FLI1: variants seen among roughly 807,000 people sequenced by gnomAD.
FLI1 encodes Fli-1 proto-oncogene, ETS transcription factor, also known as Friend leukemia integration 1 transcription factor.
In FLI1, 13 loss-of-function variants were observed where a neutral mutation model predicts 53.1. The observed-to-expected ratio is 0.24, with a 90% CI of 0.16 to 0.39. The LOEUF (loss-of-function observed/expected upper bound fraction) is 0.39, where lower values mean the gene tolerates loss of function less well. FLI1 is among the 10% of genes least tolerant of loss of function. FLI1 has a pLI of 1.00. For synonymous variants in FLI1, 244 were observed against 236.7 expected (o/e 1.03, Z -0.28); for missense variants, 424 against 600.5 (o/e 0.71, Z 3.07).
At chr11:128,761,401 G>A (rs558363927) in intron 2 of FLI1, among the ~76,000 whole-genome samples, 3 of 152,280 alleles carry the variant, frequency 2.0e-5, no homozygotes, top group Non-Finnish European at 4.4e-5. Context: ...TCACTGACAC[G>A]TGGGCAGGGC....
chr11:128,775,303 T>A (rs955734113), intron 4 of FLI1, among the ~76,000 whole-genome samples: 3 of 151,672 alleles, frequency 2.0e-5, no homozygotes, highest in African/African-American at 7.3e-5. Flanking sequence ...GTCTGTGCAC[T>A]GATAGAAAAA....
At chr11:128,799,043 A>ATTTTTTTTTTTTTTTTTTTTTTTTTTTT (rs1186555006) in intron 5 of FLI1, among the ~76,000 whole-genome samples, 3 of 128,668 alleles carry the variant, frequency 2.3e-5, no homozygotes, top group Admixed American at 8.0e-5. Flanking sequence ...TATTATTATT[A>ATTTTTTTTTTTTTTTTTTTTTTTTTTTT]TTATTATTAT....
At chr11:128,743,336 T>C (rs182933647) in intron 1 of FLI1, among the ~76,000 whole-genome samples, 110 of 151,470 alleles carry the variant, frequency 7.3e-4, no homozygotes, top group African/African-American at 2.4e-3. Context: ...GCCCAAAAGT[T>C]TGAGGCTGCA....
chr11:128,722,576 A>G (rs1939299318), intron 1 of FLI1, among the ~76,000 whole-genome samples: 1 of 152,218 alleles, frequency 6.6e-6, no homozygotes, highest in South Asian at 2.1e-4. Flanking sequence ...CTGTATTTGA[A>G]CCAAGAGATT....
chr11:128,790,574 G>A (rs571530150), intron 5 of FLI1, among the ~76,000 whole-genome samples: 1 of 152,258 alleles, frequency 6.6e-6, no homozygotes, highest in South Asian at 2.1e-4. Flanking sequence ...GGTGTGCTGT[G>A]CGAACTGCTA....
intron 1 of FLI1, among the ~76,000 whole-genome samples, chr11:128,719,079 T>G (rs530949887): frequency 3.3e-5 from 5 of 152,066 alleles, no homozygotes; most frequent in Non-Finnish European, 7.4e-5. Context: ...GGAGGCAGAG[T>G]TGAACCCTGT....
chr11:128,799,039 TATTATTA>T (rs1942539042), intron 5 of FLI1, among the ~76,000 whole-genome samples: 4 of 136,468 alleles, frequency 2.9e-5, no homozygotes, highest in Non-Finnish European at 6.4e-5. Context: ...TTATTATTAT[TATTATTA>T]TTATTATTTT....
intron 1 of FLI1, among the ~76,000 whole-genome samples, chr11:128,745,752 G>T (rs565394507): frequency 6.6e-6 from 1 of 152,322 alleles, no homozygotes; most frequent in East Asian, 1.9e-4. Flanking sequence ...GCTTGTGTGC[G>T]TGAGGCAGGA....
intron 7 of FLI1, among the ~76,000 whole-genome samples, chr11:128,808,385 T>C (rs1942843288): frequency 6.6e-6 from 1 of 152,100 alleles, no homozygotes; most frequent in African/African-American, 2.4e-5. Flanking sequence ...TTTCCTCAAC[T>C]AACAAAAAAG....
At chr11:128,712,935 G>C (rs764318988) in intron 1 of FLI1, among the ~76,000 whole-genome samples, 12 of 152,324 alleles carry the variant, frequency 7.9e-5, no homozygotes, top group South Asian at 2.1e-4. Flanking sequence ...ATCACTGTGA[G>C]GAATAAATAC....
intron 1 of FLI1, among the ~76,000 whole-genome samples, chr11:128,738,439 C>T (rs535799665): frequency 2.6e-5 from 4 of 152,360 alleles, no homozygotes; most frequent in South Asian, 2.1e-4. Flanking sequence ...CATCCACTAC[C>T]GCCTGAGCTC....
chr11:128,720,501 G>T (rs1479293079), intron 1 of FLI1, among the ~76,000 whole-genome samples: 1 of 152,156 alleles, frequency 6.6e-6, no homozygotes, highest in Non-Finnish European at 1.5e-5. Context: ...AAACACTGGG[G>T]GGTGGGGAGG....
intron 4 of FLI1, among the ~76,000 whole-genome samples, chr11:128,781,087 A>C (rs755052550): frequency 1.3e-5 from 2 of 152,248 alleles, no homozygotes; most frequent in Non-Finnish European, 2.9e-5. Flanking sequence ...CAGAAGAGGT[A>C]TGAATTGAAG....
intron 5 of FLI1, 146 bp downstream of exon 5, chr11:128,782,169 C>A: frequency 1.5e-6 from 1 of 667,608 alleles, no homozygotes; most frequent in Non-Finnish European, 2.7e-6. Flanking sequence ...ATTTTCGCCA[C>A]TTGTGCTACC....
intron 4 of FLI1, among the ~76,000 whole-genome samples, chr11:128,780,008 A>G (rs1317510912): frequency 1.3e-5 from 2 of 152,238 alleles, no homozygotes; most frequent in Non-Finnish European, 2.9e-5. Context: ...TACAGTAAAA[A>G]TACACTATTA....
chr11:128,765,489 G>A (rs2268593), intron 2 of FLI1, among the ~76,000 whole-genome samples: 13,523 of 152,208 alleles, frequency 0.089, 787 homozygotes, highest in East Asian at 0.34. Flanking sequence ...CCACAAACGG[G>A]AGGAGCCCGG....
chr11:128,773,100 T>G (rs1469336152), intron 4 of FLI1, 115 bp downstream of exon 4: 1 of 963,912 alleles, frequency 1.0e-6, no homozygotes, highest in African/African-American at 1.6e-5. Context: ...AGCAGCATCG[T>G]GGGGCCTGTA....
At chr11:128,764,271 C>G (rs1312997904) in intron 2 of FLI1, among the ~76,000 whole-genome samples, 2 of 152,148 alleles carry the variant, frequency 1.3e-5, no homozygotes, top group Non-Finnish European at 2.9e-5. Flanking sequence ...CATTGCAAAG[C>G]TTTTTTTGGA....
chr11:128,766,141 G>A (rs183621495), intron 2 of FLI1, among the ~76,000 whole-genome samples: 5 of 152,310 alleles, frequency 3.3e-5, no homozygotes, highest in Non-Finnish European at 7.3e-5. Context: ...GCCCCAGGGC[G>A]GGTGAGGGGA....
Sources: allele counts gnomAD v4.1 joint callset (sites outside exome capture counted in the v4.1 genomes callset), GRCh38; gene constraint gnomAD v4.1.1; transcripts MANE v1.5; gene names NCBI Gene and HGNC (gene_info 2026-07-23, HGNC 2026-07-21).